The following KIF6 variants were observed in gnomAD, a reference collection of about 807,000 sequenced individuals.
The protein encoded by KIF6 is kinesin family member 6.
Under a neutral mutation model 112.7 loss-of-function variants are expected in KIF6, and 106 were observed. That is an observed-to-expected ratio of 0.94 (90% CI 0.80 to 1.11). The LOEUF is 1.11. KIF6 is among the 50% of genes least tolerant of loss of function. The pLI, the probability that KIF6 is intolerant of heterozygous loss-of-function variation, is 0.00. For missense variants in KIF6, 929 were observed against 964.0 expected (o/e 0.96, Z 0.48); for synonymous variants, 339 against 339.9 (o/e 1.00, Z 0.03).
chr6:39,408,791 T>C (rs1233393195), intron 15 of KIF6, among the ~76,000 whole-genome samples: 2 of 152,148 alleles, frequency 1.3e-5, no homozygotes, highest in Non-Finnish European at 2.9e-5. Context: ...TGTATATTAA[T>C]GTATTGTTCA....
chr6:39,617,378 C>T (rs1034943077), intron 5 of KIF6, among the ~76,000 whole-genome samples: 1 of 152,148 alleles, frequency 6.6e-6, no homozygotes, highest in African/African-American at 2.4e-5. Context: ...ATGAAAGAAT[C>T]CTCCACCCCA....
intron 20 of KIF6, among the ~76,000 whole-genome samples, chr6:39,346,126 C>CTCTCACTCTCT (rs1562113307): frequency 4.2e-5 from 1 of 23,872 alleles, no homozygotes; most frequent in Non-Finnish European, 8.2e-5. Flanking sequence ...CCTCTCCCTC[C>CTCTCACTCTCT]CTCTCCCTCT....
rs572048241 is a variant in KIF6 at position 39,453,579 on chromosome 6, G to A, written c.1646-22418C>T. ...TCTCGTCCTTCATAAAAAAACAATG[G>A]CTACCAAATGGCTATTTTTGTATGT... is the stretch of plus-strand genomic sequence containing the variant. On this transcript the variant is annotated intron_variant, in intron 13 of 22. Coordinates refer to ENST00000287152, the MANE Select transcript of KIF6 (RefSeq NM_145027.6). 5.9e-5 allele frequency among the ~76,000 whole-genome samples: 9 copies of A among 151,982 alleles called. No individual in the cohort carries two copies. In the South Asian group the frequency reaches 1.2e-3, roughly 21 times the overall value.
At chr6:39,482,902 C>A (rs1462656153) in intron 13 of KIF6, among the ~76,000 whole-genome samples, 2 of 152,200 alleles carry the variant, frequency 1.3e-5, no homozygotes, top group Non-Finnish European at 2.9e-5. Flanking sequence ...AAACTGGGCC[C>A]TAGAGAAGGG....
chr6:39,530,334 C>G (rs1463806472), intron 13 of KIF6, among the ~76,000 whole-genome samples: 1 of 152,174 alleles, frequency 6.6e-6, no homozygotes, highest in Non-Finnish European at 1.5e-5. Flanking sequence ...CATCAGGGCT[C>G]TCAGAACACT....
intron 13 of KIF6, among the ~76,000 whole-genome samples, chr6:39,510,822 A>G (rs1043934274): frequency 7.4e-5 from 11 of 147,898 alleles, no homozygotes; most frequent in Admixed American, 2.0e-4. Flanking sequence ...AAAGACACAC[A>G]TAGGCTCAAA....
chr6:39,630,626 A>G (rs1027153578), intron 5 of KIF6, among the ~76,000 whole-genome samples: 4 of 152,024 alleles, frequency 2.6e-5, no homozygotes, highest in African/African-American at 9.7e-5. Context: ...ATCTGTCAAC[A>G]AAGACAGTTG....
intron 13 of KIF6, among the ~76,000 whole-genome samples, chr6:39,475,576 A>G (rs1472282608): frequency 6.6e-6 from 1 of 152,168 alleles, no homozygotes; most frequent in East Asian, 1.9e-4. Flanking sequence ...TTCAATTTCT[A>G]CCTTCTCATT....
chr6:39,678,939 A>G (rs1018267166), intron 3 of KIF6, among the ~76,000 whole-genome samples: 5 of 152,256 alleles, frequency 3.3e-5, no homozygotes, highest in African/African-American at 1.2e-4. Context: ...TCCAGAGAGC[A>G]GTATTTCCTC....
At chr6:39,711,556 G>A (rs1789561164) in intron 3 of KIF6, among the ~76,000 whole-genome samples, 1 of 151,986 alleles carries the variant, frequency 6.6e-6, no homozygotes, top group African/African-American at 2.4e-5. Flanking sequence ...ATTATTTACA[G>A]AGACAAAAAT....
intron 3 of KIF6, among the ~76,000 whole-genome samples, chr6:39,653,597 C>T (rs1273293730): frequency 1.3e-5 from 2 of 152,072 alleles, no homozygotes; most frequent in Non-Finnish European, 2.9e-5. Context: ...CCATCTGGAA[C>T]CCAAGGACCA....
chr6:39,421,662 G>A (rs185249976), intron 14 of KIF6, among the ~76,000 whole-genome samples: 2 of 152,322 alleles, frequency 1.3e-5, no homozygotes, highest in East Asian at 1.9e-4. Context: ...GGTTTCCAGG[G>A]AAGGGGACTA....
chr6:39,549,646 C>T (rs188398385), intron 10 of KIF6, among the ~76,000 whole-genome samples: 237 of 152,104 alleles, frequency 1.6e-3, no homozygotes, highest in Middle Eastern at 3.4e-3. Context: ...AATAGGTGGA[C>T]GAAGAAGTGG....
intron 3 of KIF6, among the ~76,000 whole-genome samples, chr6:39,706,334 G>C (rs1432026730): frequency 2.0e-5 from 3 of 152,138 alleles, no homozygotes; most frequent in Non-Finnish European, 4.4e-5. Flanking sequence ...TTTGAAATGT[G>C]CATCTTTAAT....
chr6:39,482,135 A>G (rs1054109303), intron 13 of KIF6, among the ~76,000 whole-genome samples: 15 of 152,050 alleles, frequency 9.9e-5, no homozygotes, highest in Non-Finnish European at 2.9e-5. Context: ...TCACAGCTAT[A>G]AGGAATGGCT....
At chr6:39,339,164 C>G (rs1763189007) in intron 22 of KIF6, among the ~76,000 whole-genome samples, 2 of 152,134 alleles carry the variant, frequency 1.3e-5, no homozygotes, top group African/African-American at 2.4e-5. Context: ...TACAGATGTA[C>G]CATTAAGAAA....
At chr6:39,463,240 T>C (rs1178153107) in intron 13 of KIF6, among the ~76,000 whole-genome samples, 2 of 152,184 alleles carry the variant, frequency 1.3e-5, no homozygotes, top group African/African-American at 4.8e-5. Flanking sequence ...TTTTCTCTCC[T>C]TTATCTCACT....
intron 7 of KIF6, among the ~76,000 whole-genome samples, chr6:39,592,070 C>G (rs932005632): frequency 7.9e-5 from 12 of 152,264 alleles, no homozygotes; most frequent in Admixed American, 2.6e-4. Flanking sequence ...TGAGATCATG[C>G]CACTGCACCC....
intron 13 of KIF6, among the ~76,000 whole-genome samples, chr6:39,461,065 C>T (rs539869203): frequency 1.8e-4 from 27 of 152,218 alleles, no homozygotes; most frequent in African/African-American, 6.0e-4. Flanking sequence ...AAAGTAAGCA[C>T]GCATGAATGA....
Sources: gnomAD v4.1 joint callset for allele counts (sites outside exome capture counted in the v4.1 genomes callset) on GRCh38, gnomAD v4.1.1 for gene constraint, MANE v1.5 for transcripts, NCBI Gene and HGNC (gene_info 2026-07-23, HGNC 2026-07-21) for gene names.